Variants in PTPRD observed in about 807,000 individuals in gnomAD.
The protein encoded by PTPRD is receptor-type tyrosine-protein phosphatase delta.
In PTPRD, 34 loss-of-function variants were observed where a neutral mutation model predicts 214.5. The ratio of observed to expected loss-of-function variants is 0.16; its 90% CI spans 0.12 to 0.21. The LOEUF is 0.21. PTPRD is among the 10% of genes least tolerant of loss of function. The probability of loss-of-function intolerance (pLI) is 1.00; values close to 1 mark genes in which losing one functional copy is unlikely to be tolerated. For synonymous variants in PTPRD, 1,128 were observed against 845.7 expected (o/e 1.33, Z -5.79); for missense variants, 2,545 against 2,398.7 (o/e 1.06, Z -1.27).
intron 2 of PTPRD, among the ~76,000 whole-genome samples, chr9:10,523,934 T>C (rs908017514): frequency 1.3e-5 from 2 of 151,950 alleles, no homozygotes; most frequent in African/African-American, 4.8e-5. Flanking sequence ...ACAGGTATGA[T>C]GGCTTAAACA....
At chr9:9,377,287 C>T (rs2061043531) in intron 9 of PTPRD, among the ~76,000 whole-genome samples, 1 of 151,894 alleles carries the variant, frequency 6.6e-6, no homozygotes, top group African/African-American at 2.4e-5. Flanking sequence ...AACAGTAGTC[C>T]TCCATGAACA....
intron 10 of PTPRD, among the ~76,000 whole-genome samples, chr9:9,088,862 C>T (rs2099771455): frequency 2.0e-5 from 3 of 152,228 alleles, no homozygotes; most frequent in African/African-American, 7.2e-5. Flanking sequence ...TACTTAATGT[C>T]TGTAGTCTCT....
At chr9:9,256,416 T>G (rs1339448097) in intron 9 of PTPRD, among the ~76,000 whole-genome samples, 1 of 151,976 alleles carries the variant, frequency 6.6e-6, no homozygotes, top group African/African-American at 2.4e-5. Context: ...TTTTCTCTCT[T>G]TTTTTTCCAT....
intron 14 of PTPRD, among the ~76,000 whole-genome samples, chr9:8,582,274 A>G (rs2093230986): frequency 6.6e-6 from 1 of 152,196 alleles, no homozygotes; most frequent in Non-Finnish European, 1.5e-5. Flanking sequence ...AGAAAAATCC[A>G]TTTCAGATGA....
intron 3 of PTPRD, among the ~76,000 whole-genome samples, chr9:10,134,866 A>G (rs576743298): frequency 6.6e-6 from 1 of 152,284 alleles, no homozygotes; most frequent in African/African-American, 2.4e-5. Flanking sequence ...TATTAGATCC[A>G]CAGCAGCTCA....
At position 8,502,829 on chromosome 9, in the gene PTPRD, T is replaced by C. The variant is rs148810536; in HGVS notation, c.1822+1432A>G. Among the ~76,000 whole-genome samples, 1,233 of 145,160 alleles carry C rather than the reference T, an allele frequency of 8.5e-3. 21 individuals carry two copies. The highest frequency in any genetic ancestry group is 0.03 in the African/African-American group (1,151 of 38,694). On this transcript the variant is annotated intron_variant, in intron 23 of 45. Transcript: ENST00000381196. Reference sequence around the variant, plus strand: ...TTTGATGTGCTTATAAAAAGTCTATTCAATATGTATGTGTGTGTGTATATA... The same window carrying C: ...TTTGATGTGCTTATAAAAAGTCTATCCAATATGTATGTGTGTGTGTATATA...
chr9:9,761,356 T>C (rs1476369482), intron 6 of PTPRD, among the ~76,000 whole-genome samples: 2 of 152,170 alleles, frequency 1.3e-5, no homozygotes, highest in African/African-American at 2.4e-5. Context: ...GACAGAGTAG[T>C]GTTGCCAGGA....
At chr9:9,017,929 C>G in intron 11 of PTPRD, among the ~76,000 whole-genome samples, 1 of 152,030 alleles carries the variant, frequency 6.6e-6, no homozygotes, top group Admixed American at 6.6e-5. Context: ...TATTTAGTTT[C>G]CAGTCTCTAC....
intron 5 of PTPRD, among the ~76,000 whole-genome samples, chr9:9,794,464 G>A (rs1030991115): frequency 1.3e-5 from 2 of 152,036 alleles, no homozygotes; most frequent in Non-Finnish European, 2.9e-5. Context: ...AAAAGTGAGT[G>A]TATCAATGTG....
chr9:10,141,229 T>C (rs1360244004), intron 3 of PTPRD, among the ~76,000 whole-genome samples: 2 of 151,976 alleles, frequency 1.3e-5, no homozygotes, highest in African/African-American at 4.8e-5. Flanking sequence ...CTATTCAACA[T>C]AGTGTTGGAA....
chr9:9,751,003 A>G (rs561046450), intron 6 of PTPRD, among the ~76,000 whole-genome samples: 1 of 152,066 alleles, frequency 6.6e-6, no homozygotes, highest in Admixed American at 6.6e-5. Flanking sequence ...ACAGTGCCTA[A>G]TTTTGATTTT....
chr9:8,478,753 G>T (rs2096819791), intron 30 of PTPRD, among the ~76,000 whole-genome samples: 3 of 152,156 alleles, frequency 2.0e-5, no homozygotes, highest in African/African-American at 7.2e-5. Context: ...TTCTGTGAGG[G>T]AACTCTCCTG....
chr9:8,533,043 G>A (rs1195560206), intron 14 of PTPRD, among the ~76,000 whole-genome samples: 1 of 152,208 alleles, frequency 6.6e-6, no homozygotes, highest in East Asian at 1.9e-4. Context: ...AGGTAGTCAT[G>A]CCTTACATAT....
chr9:8,418,151 T>C (rs921547023), intron 35 of PTPRD, among the ~76,000 whole-genome samples: 1 of 152,188 alleles, frequency 6.6e-6, no homozygotes, highest in Non-Finnish European at 1.5e-5. Flanking sequence ...CCTCTGTCCA[T>C]GTCTGAGGTT....
chr9:9,224,930 C>A (rs2099958457), intron 9 of PTPRD, among the ~76,000 whole-genome samples: 2 of 151,870 alleles, frequency 1.3e-5, no homozygotes, highest in African/African-American at 4.8e-5. Context: ...AGACCTTTTC[C>A]CCAAAAAATC....
At chr9:10,162,799 T>G (rs114773052) in intron 3 of PTPRD, among the ~76,000 whole-genome samples, 2 of 148,812 alleles carry the variant, frequency 1.3e-5, no homozygotes, top group South Asian at 4.2e-4. Context: ...CCCCTCAATA[T>G]TGTATAGCTT....
intron 14 of PTPRD, among the ~76,000 whole-genome samples, chr9:8,582,112 A>C (rs531686698): frequency 6.6e-6 from 1 of 152,108 alleles, no homozygotes; most frequent in Non-Finnish European, 1.5e-5. Context: ...ACAAATCAGA[A>C]AAAAGCTCGG....
intron 11 of PTPRD, among the ~76,000 whole-genome samples, chr9:8,750,727 T>A (rs1442858857): frequency 6.6e-6 from 1 of 151,942 alleles, no homozygotes; most frequent in African/African-American, 2.4e-5. Flanking sequence ...GCCCAGAGAT[T>A]CCCAGCAGAG....
intron 10 of PTPRD, among the ~76,000 whole-genome samples, chr9:9,034,678 C>G (rs766668098): frequency 1.3e-5 from 2 of 152,016 alleles, no homozygotes; most frequent in Non-Finnish European, 2.9e-5. Context: ...CAGATTCACC[C>G]GTGTTCACAT....
Sources: gnomAD v4.1 joint callset for allele counts (sites outside exome capture counted in the v4.1 genomes callset) on GRCh38, gnomAD v4.1.1 for gene constraint, MANE v1.5 for transcripts, NCBI Gene and HGNC (gene_info 2026-07-23, HGNC 2026-07-21) for gene names.